DUOX1: variants seen among roughly 807,000 people sequenced by gnomAD.
The protein encoded by DUOX1 is dual oxidase 1.
DUOX1 carries 134 observed loss-of-function variants against 181.8 expected under a neutral mutation model. The observed-to-expected ratio is 0.74, with a 90% CI of 0.64 to 0.85. The LOEUF is 0.85. DUOX1 is among the 40% of genes least tolerant of loss of function. The pLI, the probability that DUOX1 is intolerant of heterozygous loss-of-function variation, is 0.00. For missense variants in DUOX1, 1,814 were observed against 2,064.4 expected, an observed-to-expected ratio of 0.88 and a Z score of 2.35; for synonymous variants, 798 against 832.5, an observed-to-expected ratio of 0.96 and a Z score of 0.71.
At chr15:45,159,139 G>A (rs1160230485) in intron 28 of DUOX1, among the ~76,000 whole-genome samples, 1 of 152,222 alleles carries the variant, frequency 6.6e-6, no homozygotes, top group African/African-American at 2.4e-5. Flanking sequence ...AGGGGACAGG[G>A]CTGGCTGCAG....
chr15:45,161,447 A>AGGGGGGGG (rs1335414953), intron 29 of DUOX1, among the ~76,000 whole-genome samples: 1 of 88,634 alleles, frequency 1.1e-5, no homozygotes, highest in Admixed American at 1.1e-4. Flanking sequence ...AAAAGGAAGG[A>AGGGGGGGG]GGGAGGGAGG....
At chr15:45,153,291 C>G in intron 25 of DUOX1, 89 bp from the exon 26 acceptor site, 1 of 935,542 alleles carries the variant, frequency 1.1e-6, no homozygotes, top group South Asian at 1.3e-5. Context: ...GGGACCCCCA[C>G]TCTGGCCAGG....
At position 45,136,397 on chromosome 15, in the gene DUOX1, C is replaced by A; in HGVS notation, c.912C>A (p.Leu304=). 2 of 1,614,134 alleles carry A rather than the reference C, an allele frequency of 1.2e-6. No individual in the cohort carries two copies. Among genetic ancestry groups the A allele is most frequent in the Non-Finnish European group, 1.7e-6 (2 of 1,180,034 alleles). The change falls in exon 8 of 34, where the codon CTC becomes CTA. Residue 304 remains leucine (L), a synonymous_variant. Coordinates refer to ENST00000389037, the MANE Select transcript of DUOX1 (RefSeq NM_175940.3). Reference sequence around the variant, plus strand: ...TGCCCAGCTTCCTGCAGAAAACACTCCCGGAGTATACAGGTGAGGGAGCGG... The same window carrying A: ...TGCCCAGCTTCCTGCAGAAAACACTACCGGAGTATACAGGTGAGGGAGCGG... ...EWLPSFLQKT[L]PEYTGYRPFL...
intron 33 of DUOX1, 89 bp downstream of exon 33, chr15:45,164,007 C>A: frequency 6.5e-7 from 1 of 1,538,060 alleles, no homozygotes; most frequent in Non-Finnish European, 8.8e-7. Context: ...AGGAAGAAAT[C>A]GACTGCTGAT....
intron 19 of DUOX1, 113 bp from the exon 20 acceptor site, chr15:45,147,791 C>A (rs1218075421): frequency 3.5e-5 from 53 of 1,525,994 alleles, no homozygotes; most frequent in Non-Finnish European, 4.7e-5. Flanking sequence ...AGCAGAGCGA[C>A]CCTTGCTGTG....
intron 29 of DUOX1, 146 bp downstream of exon 29, chr15:45,161,136 A>G: frequency 7.9e-7 from 1 of 1,264,022 alleles, no homozygotes; most frequent in Non-Finnish European, 1.1e-6. Context: ...GGTAGGGGCA[A>G]GGCGCAGTGG....
chr15:45,130,543 G>A (rs1171419411), intron 1 of DUOX1, among the ~76,000 whole-genome samples: 1 of 152,248 alleles, frequency 6.6e-6, no homozygotes, highest in Non-Finnish European at 1.5e-5. Flanking sequence ...GGCAAGAACA[G>A]GCAGGCCTGT....
chr15:45,142,082 A>C lies in DUOX1; in HGVS notation c.1792A>C (p.Thr598Pro), dbSNP rs1468425895. 1 of 1,613,890 alleles carries C rather than the reference A, an allele frequency of 6.2e-7. No homozygotes were observed. Residue 598 changes from threonine (T) to proline (P), a missense_variant, in exon 15 of 34, where the codon ACC becomes CCC. Thr to Pro is a conservative substitution (Grantham distance 38). Around this residue, in one of 5 missense-constraint regions of DUOX1, gnomAD observed 1,064 missense variants for 1,152.9 expected, o/e 0.92. Transcript: ENST00000389037. ...GGGCAGTGGATTTGGCTTCGGGGTCACCATCGGGACCCTCTGTTGCTTCCC... is the reference window on the plus strand; with the variant it reads ...GGGCAGTGGATTTGGCTTCGGGGTCCCCATCGGGACCCTCTGTTGCTTCCC... ...FEGSGFGFGVTIGTLCCFPLV... is the reference protein window; with the variant it reads ...FEGSGFGFGVPIGTLCCFPLV...
chr15:45,162,858 A>C (rs1022951563), intron 31 of DUOX1, among the ~76,000 whole-genome samples: 22 of 152,188 alleles, frequency 1.4e-4, no homozygotes, highest in Non-Finnish European at 3.1e-4. Context: ...AACACAGCTC[A>C]AACCCTCAGG....
At position 45,162,375 on chromosome 15, in the gene DUOX1, A is replaced by G. The variant is rs1167539486; in HGVS notation, c.4246A>G (p.Lys1416Glu). ...CGTCAGCTGCCAAGTGTTCTGTAAG[A>G]AGGTGAGTACTGCCCCCACTTCCCA... ...SSVSCQVFCKKIYFIWVTRTQ... is the reference protein window; with the variant it reads ...SSVSCQVFCKEIYFIWVTRTQ... The change falls in exon 31 of 34, where the codon AAG becomes GAG. Residue 1416 changes from lysine (K) to glutamate (E), a missense_variant and splice_region_variant. By Grantham distance (56) the Lys-to-Glu change is moderately conservative. Coordinates refer to ENST00000389037, the MANE Select transcript of DUOX1 (RefSeq NM_175940.3). 5 of 1,613,524 alleles carry G rather than the reference A, an allele frequency of 3.1e-6. No individual in the cohort carries two copies. Among genetic ancestry groups the G allele is most frequent in the East Asian group, 2.2e-5 (1 of 44,876 alleles).
In DUOX1 at chr15:45,141,994, G is replaced by A. The variant is rs1273749367; in HGVS notation, c.1704G>A (p.Pro568=). The A allele has an allele frequency of 5.6e-6, 9 of 1,612,988 alleles. No individual in the cohort carries two copies. Among genetic ancestry groups the A allele is most frequent in the Admixed American group, 1.7e-5 (1 of 59,956 alleles). ...VWHKGDPCPQ[P]RQLSTEGLPA... ...TCCCAGGAGACCCCTGTCCGCAGCC[G>A]AGACAGCTCAGCACTGAAGGCCTGC... Residue 568 remains proline, a synonymous_variant, in exon 15 of 34, where the codon CCG becomes CCA. Transcript: ENST00000389037.
At chr15:45,150,429 G>A (rs1196953219) in intron 21 of DUOX1, 6 of 574,394 alleles carry the variant, frequency 1.0e-5, no homozygotes, top group Non-Finnish European at 1.9e-5. Flanking sequence ...TTTCTTTCAG[G>A]CCTTTTCCCT....
intron 7 of DUOX1, 146 bp from the exon 8 acceptor site, chr15:45,136,204 C>T: frequency 7.1e-7 from 1 of 1,411,510 alleles, no homozygotes. Flanking sequence ...GGGGACAGGC[C>T]TCACACTGCT....
At chr15:45,154,574 C>T (rs1896919840) in intron 27 of DUOX1, among the ~76,000 whole-genome samples, 1 of 148,666 alleles carries the variant, frequency 6.7e-6, no homozygotes, top group Admixed American at 6.8e-5. Flanking sequence ...ATACTGGCTC[C>T]TCTCTGTGAA....
intron 27 of DUOX1, among the ~76,000 whole-genome samples, chr15:45,154,565 T>C (rs888928406): frequency 2.6e-5 from 4 of 151,434 alleles, no homozygotes; most frequent in African/African-American, 9.7e-5. Flanking sequence ...ATAATTTCTA[T>C]ACTGGCTCCT....
chr15:45,134,185 T>G lies in DUOX1; in HGVS notation c.183T>G (p.Asp61Glu), dbSNP rs776400519. 1.3e-6 allele frequency: 2 copies of G among 1,556,402 alleles called. No individual in the cohort carries two copies. The highest frequency in any genetic ancestry group is 2.4e-5 in the South Asian group (2 of 81,950). Residue 61 changes from aspartate to glutamate, a missense_variant, in exon 4 of 34, where the codon GAT becomes GAG. By Grantham distance (45) the Asp-to-Glu change is conservative. Around this residue, in one of 5 missense-constraint regions of DUOX1, gnomAD observed 320 missense variants for 313.1 expected, o/e 1.02. Transcript: ENST00000389037. The stretch of plus-strand genomic sequence containing the variant: ...GCCTGGTCCCAGCCAGCTATGCAGA[T>G]GGCGTGTACCAGCCCTTGGGAGAAC... ...LQRLVPASYA[D>E]GVYQPLGEPH... is the part of the protein sequence containing the mutation.
chr15:45,141,810 G>T, intron 14 of DUOX1, 165 bp from the exon 15 acceptor site: 1 of 644,620 alleles, frequency 1.6e-6, no homozygotes, highest in Non-Finnish European at 2.6e-6. Flanking sequence ...GGGAGAGATG[G>T]AGGTTGGGAT....
intron 25 of DUOX1, 60 bp downstream of exon 25, chr15:45,152,576 T>G: frequency 6.9e-7 from 1 of 1,441,768 alleles, no homozygotes; most frequent in Non-Finnish European, 9.7e-7. Context: ...TGACTTCCCC[T>G]CGTATGAGAG....
At chr15:45,153,880 C>G (rs1199813432) in intron 26 of DUOX1, 71 bp from the exon 27 acceptor site, 1 of 1,323,834 alleles carries the variant, frequency 7.6e-7, no homozygotes, top group Non-Finnish European at 1.1e-6. Flanking sequence ...GAGCAAGACT[C>G]TGCCTCAAAA....
Sources: gnomAD v4.1 joint callset for allele counts (sites outside exome capture counted in the v4.1 genomes callset) on GRCh38, gnomAD v4.1.1 for gene constraint, gnomAD v4.1.1 regional missense constraint, MANE v1.5 for transcripts, NCBI Gene and HGNC (gene_info 2026-07-23, HGNC 2026-07-21) for gene names.